AFAP1: variants seen among roughly 807,000 people sequenced by gnomAD.
The protein encoded by AFAP1 is actin filament associated protein 1.
Under a neutral mutation model 93.9 loss-of-function variants are expected in AFAP1, and 75 were observed. That is an observed-to-expected ratio of 0.80 (90% CI 0.66 to 0.97). The LOEUF (loss-of-function observed/expected upper bound fraction) is 0.97. AFAP1 is among the 50% of genes least tolerant of loss of function. The probability of loss-of-function intolerance (pLI) is 0.00; values close to 1 mark genes in which losing one functional copy is unlikely to be tolerated. For missense variants in AFAP1, 1,201 were observed against 1,050.8 expected (o/e 1.14, Z -1.98); for synonymous variants, 517 against 430.7 (o/e 1.20, Z -2.48).
At chr4:7,804,064 G>A (rs1422940223) in intron 9 of AFAP1, among the ~76,000 whole-genome samples, 2 of 152,204 alleles carry the variant, frequency 1.3e-5, no homozygotes, top group African/African-American at 4.8e-5. Context: ...CATCTAAGGA[G>A]TCTAGAGTCA....
chr4:7,796,788 G>A (rs9683902), intron 10 of AFAP1, among the ~76,000 whole-genome samples: 17,935 of 145,530 alleles, frequency 0.12, 1,297 homozygotes, highest in East Asian at 0.28. Flanking sequence ...GGTTGGGCAC[G>A]GTGGCTCATG....
intron 1 of AFAP1, among the ~76,000 whole-genome samples, chr4:7,918,160 AGG>A (rs1720194804): frequency 3.3e-5 from 5 of 151,118 alleles, no homozygotes; most frequent in African/African-American, 1.2e-4. Context: ...CCAGATCACC[AGG>A]AAACCGGGCT....
intron 6 of AFAP1, among the ~76,000 whole-genome samples, chr4:7,826,991 T>C (rs1560183491): frequency 6.6e-6 from 1 of 151,890 alleles, no homozygotes; most frequent in South Asian, 2.1e-4. Flanking sequence ...AAATAGCTCA[T>C]GAAAAGGCAG....
At chr4:7,928,915 C>G (rs1394639825) in intron 1 of AFAP1, among the ~76,000 whole-genome samples, 2 of 152,220 alleles carry the variant, frequency 1.3e-5, no homozygotes, top group Non-Finnish European at 2.9e-5. Context: ...AGCCAGCATG[C>G]CCAGCCAGGT....
At chr4:7,862,411 G>T (rs1224888217) in intron 3 of AFAP1, 7 of 100,376 alleles carry the variant, frequency 7.0e-5, no homozygotes, top group Non-Finnish European at 1.4e-4. Flanking sequence ...GGGGGGGGGG[G>T]GGGCGCCGGC....
intron 11 of AFAP1, among the ~76,000 whole-genome samples, chr4:7,791,223 G>C (rs2149005272): frequency 6.6e-6 from 1 of 152,290 alleles, no homozygotes; most frequent in East Asian, 1.9e-4. Flanking sequence ...TCTGCCAGCA[G>C]CTGTCTGTAT....
chr4:7,799,230 T>C, intron 10 of AFAP1: 1 of 288,702 alleles, frequency 3.5e-6, no homozygotes, highest in Non-Finnish European at 5.2e-6. Context: ...ATCACACTGC[T>C]GCAAAACCAG....
intron 4 of AFAP1, chr4:7,843,874 C>A (rs1713361562): frequency 6.1e-6 from 1 of 163,664 alleles, no homozygotes. Context: ...GGAACTTTGA[C>A]AGAAATGTAC....
intron 1 of AFAP1, among the ~76,000 whole-genome samples, chr4:7,927,223 A>G (rs1259211252): frequency 6.6e-6 from 1 of 152,218 alleles, no homozygotes; most frequent in Admixed American, 6.5e-5. Context: ...AGCTCAGGTG[A>G]GCCCATATCA....
intron 1 of AFAP1, among the ~76,000 whole-genome samples, chr4:7,925,549 C>G (rs1041940365): frequency 1.2e-4 from 18 of 151,320 alleles, no homozygotes; most frequent in Non-Finnish European, 2.5e-4. Flanking sequence ...CCCATTCTTA[C>G]TAAAAATACA....
intron 4 of AFAP1, among the ~76,000 whole-genome samples, chr4:7,845,662 G>A (rs538364984): frequency 2.3e-4 from 35 of 152,054 alleles, no homozygotes; most frequent in African/African-American, 6.0e-4. Context: ...ATCACCCTCC[G>A]CCCACAGGTG....
At chr4:7,935,467 C>A (rs557076742) in intron 1 of AFAP1, among the ~76,000 whole-genome samples, 256 of 152,128 alleles carry the variant, frequency 1.7e-3, no homozygotes, top group Non-Finnish European at 2.7e-3. Flanking sequence ...GACACCTATA[C>A]AATAAAAACA....
chr4:7,797,582 G>A (rs746887489), intron 10 of AFAP1, among the ~76,000 whole-genome samples: 2 of 152,218 alleles, frequency 1.3e-5, no homozygotes, highest in Non-Finnish European at 2.9e-5. Flanking sequence ...AAGTGTCAAT[G>A]ATGTTGTCGA....
chr4:7,768,386 T>C (rs977610429), intron 17 of AFAP1, among the ~76,000 whole-genome samples: 49 of 152,212 alleles, frequency 3.2e-4, no homozygotes, highest in African/African-American at 1.2e-3. Context: ...TCCGAGGCCC[T>C]CAGAGCCCGA....
At chr4:7,937,022 A>G (rs2149249373) in intron 1 of AFAP1, among the ~76,000 whole-genome samples, 1 of 152,386 alleles carries the variant, frequency 6.6e-6, no homozygotes, top group South Asian at 2.1e-4. Context: ...CATGACACTT[A>G]AAAGATCAAC....
At chr4:7,931,201 A>G (rs896110599) in intron 1 of AFAP1, among the ~76,000 whole-genome samples, 1 of 152,226 alleles carries the variant, frequency 6.6e-6, no homozygotes, top group East Asian at 1.9e-4. Flanking sequence ...ACATAAACGC[A>G]GTAACCTCCA....
intron 16 of AFAP1, 53 bp downstream of exon 16, chr4:7,772,767 C>T (rs942034878): frequency 1.9e-5 from 30 of 1,562,330 alleles, no homozygotes; most frequent in Admixed American, 3.5e-5. Context: ...TGCACTGGCC[C>T]TCGGCCACGC....
intron 14 of AFAP1, chr4:7,776,673 T>G (rs933500317): frequency 2.0e-5 from 3 of 152,186 alleles, no homozygotes; most frequent in Non-Finnish European, 4.4e-5. Flanking sequence ...CCAGTCAATT[T>G]TCCCCTAATC....
chr4:7,938,295 T>C (rs1321801613), intron 1 of AFAP1, among the ~76,000 whole-genome samples: 1 of 152,126 alleles, frequency 6.6e-6, no homozygotes, highest in African/African-American at 2.4e-5. Context: ...TTAAACACCA[T>C]CTCTTGTTCA....
Sources: gnomAD v4.1 joint callset for allele counts (sites outside exome capture counted in the v4.1 genomes callset) on GRCh38, gnomAD v4.1.1 for gene constraint, MANE v1.5 for transcripts, NCBI Gene and HGNC (gene_info 2026-07-23, HGNC 2026-07-21) for gene names.